ZNF276: variants seen among roughly 807,000 people sequenced by gnomAD.
The protein encoded by ZNF276 is centromere protein Z.
ZNF276 carries 59 observed loss-of-function variants against 63.9 expected under a neutral mutation model. That is an observed-to-expected ratio of 0.92 (90% CI 0.75 to 1.15). The LOEUF is 1.15. Ranked by LOEUF, ZNF276 falls within the 50% of genes most tolerant of loss-of-function variation. The pLI is 0.00. For synonymous variants in ZNF276, 496 were observed against 348.4 expected (o/e 1.42, Z -4.72); for missense variants, 1,084 against 843.8 (o/e 1.28, Z -3.53).
chr16:89,721,410 C>T (rs1332175056), upstream of ZNF276: 3 of 408,146 alleles, frequency 7.4e-6, no homozygotes, highest in Non-Finnish European at 1.3e-5. Flanking sequence ...CGCCCTCGGG[C>T]CCGAGAGGGG....
At chr16:89,733,862 G>T (rs2061760160) in intron 8 of ZNF276, 59 bp from the exon 9 acceptor site, 1 of 1,535,372 alleles carries the variant, frequency 6.5e-7, no homozygotes, top group Non-Finnish European at 9.0e-7. Context: ...CCTACTGAGG[G>T]CTCGTGCCAT....
In ZNF276 at chr16:89,740,616, A is replaced by T; in HGVS notation, c.*2370A>T. 2 of 605,572 alleles carry T rather than the reference A, an allele frequency of 3.3e-6. No homozygotes were observed. Among genetic ancestry groups the T allele is most frequent in the Non-Finnish European group, 5.9e-6 (2 of 340,038 alleles). 37.5% of individuals were successfully genotyped at this position (605,572 alleles called of 1,614,324 possible). ...ACACCACTGCACTCCAGCCTGGGTG[A>T]CAGAGTGAGACCCCCATCTCAAAAA... is the stretch of plus-strand genomic sequence containing the variant. On this transcript the variant is annotated 3_prime_UTR_variant, in exon 11 of 11. Coordinates refer to ENST00000443381, the MANE Select transcript of ZNF276 (RefSeq NM_001113525.2).
Position 89,722,705 on chromosome 16 carries a change from A to G in ZNF276, c.380A>G (p.Gln127Arg). ...CGCCTGCTTGGTGTGGCTGTCCGCC[A>G]GGACCCCACCTTGTCTCCGTTTGTC... ...FQRLLGVAVRQDPTLSPFVCK... is the reference protein window; with the variant it reads ...FQRLLGVAVRRDPTLSPFVCK... The change falls in exon 2 of 11, where the codon CAG becomes CGG. Residue 127 changes from glutamine to arginine, a missense_variant. By Grantham distance (43) the Gln-to-Arg change is conservative. Coordinates refer to ENST00000443381, the MANE Select transcript of ZNF276 (RefSeq NM_001113525.2). 6.2e-7 allele frequency: 1 copy of G among 1,612,414 alleles called. No homozygotes were observed. Among genetic ancestry groups the G allele is most frequent in the Non-Finnish European group, 8.5e-7 (1 of 1,180,026 alleles).
intron 4 of ZNF276, among the ~76,000 whole-genome samples, chr16:89,725,998 A>G (rs1304581996): frequency 6.6e-6 from 1 of 151,854 alleles, no homozygotes; most frequent in Non-Finnish European, 1.5e-5. Context: ...CTCTGTCGCC[A>G]CCAGGCCTGG....
chr16:89,725,307 G>C (rs900588159), intron 4 of ZNF276, among the ~76,000 whole-genome samples: 5 of 146,120 alleles, frequency 3.4e-5, no homozygotes, highest in African/African-American at 1.0e-4. Context: ...TCAGCCTCCC[G>C]AGTAGCTGGG....
chr16:89,738,597 C>A lies in ZNF276; in HGVS notation c.*351C>A, dbSNP rs751400000. 6.2e-7 allele frequency: 1 copy of A among 1,612,530 alleles called. No homozygotes were observed. The highest frequency in any genetic ancestry group is 1.7e-5 in the Admixed American group (1 of 59,996). ...GCTGGGCTGGTGTGCAGTGGCAGGT[C>A]CCGTCAGAAGAGATGAGGCTCCTGG... On this transcript the variant is annotated 3_prime_UTR_variant, in exon 11 of 11. Transcript: ENST00000443381.
At chr16:89,721,528 C>T (rs984820032), upstream of ZNF276, 7 of 1,100,624 alleles carry the variant, frequency 6.4e-6, no homozygotes, top group Admixed American at 1.0e-4. Flanking sequence ...CTCGCTCCGC[C>T]CCTCCCCCGC....
At position 89,740,810 on chromosome 16, in the gene ZNF276, G is replaced by T. The variant is rs1382340096; in HGVS notation, c.*2564G>T. ...CTGGTAAGGTCTGACTTACATTTGA[G>T]GTCAGATGTGACGACAGCAGGCCCA... is the stretch of plus-strand genomic sequence containing the variant. On this transcript the variant is annotated 3_prime_UTR_variant, in exon 11 of 11. Transcript: ENST00000443381. 1.9e-6 allele frequency: 3 copies of T among 1,613,300 alleles called. No homozygotes were observed. Among genetic ancestry groups the T allele is most frequent in the Non-Finnish European group, 2.5e-6 (3 of 1,179,548 alleles).
intron 4 of ZNF276, among the ~76,000 whole-genome samples, chr16:89,726,869 C>G (rs1040472781): frequency 6.6e-6 from 1 of 152,148 alleles, no homozygotes; most frequent in Non-Finnish European, 1.5e-5. Context: ...TGGTCTCGAT[C>G]TCCTGACCTC....
At chr16:89,721,407 G>C (rs1180893126), upstream of ZNF276, 2 of 397,734 alleles carry the variant, frequency 5.0e-6, no homozygotes, top group Non-Finnish European at 4.4e-6. Context: ...GGCCGCCCTC[G>C]GGCCCGAGAG....
Position 89,740,031 on chromosome 16 carries a change from C to A in ZNF276, c.*1785C>A. 1 of 1,614,182 alleles carries A rather than the reference C, an allele frequency of 6.2e-7. No homozygotes were observed. Among genetic ancestry groups the A allele is most frequent in the Non-Finnish European group, 8.5e-7 (1 of 1,180,036 alleles). ...ACTGAAAGAGTGCCAGCCAGGATAT[C>A]TTCCTCTTCTCTAAACACTCGAGGA... is the stretch of plus-strand genomic sequence containing the variant. On this transcript the variant is annotated 3_prime_UTR_variant, in exon 11 of 11. Coordinates refer to ENST00000443381, the MANE Select transcript of ZNF276 (RefSeq NM_001113525.2).
chr16:89,724,703 A>G (rs778256956), intron 4 of ZNF276, among the ~76,000 whole-genome samples: 5 of 152,176 alleles, frequency 3.3e-5, no homozygotes, highest in Non-Finnish European at 5.9e-5. Flanking sequence ...CAGATGAGAC[A>G]GTGCGGCTCG....
chr16:89,725,051 T>G (rs1364334365), intron 4 of ZNF276, among the ~76,000 whole-genome samples: 1 of 152,232 alleles, frequency 6.6e-6, no homozygotes, highest in Non-Finnish European at 1.5e-5. Context: ...GTAGCTGGGA[T>G]GACAGGCACA....
At chr16:89,720,852 C>T (rs2061246264), upstream of ZNF276, 1 of 1,419,334 alleles carries the variant, frequency 7.0e-7, no homozygotes. Context: ...TCCCCGGCCG[C>T]AGCGGCCATG....
upstream of ZNF276, chr16:89,721,304 T>C: frequency 3.9e-6 from 1 of 255,586 alleles, no homozygotes; most frequent in Non-Finnish European, 7.4e-6. Flanking sequence ...CCGCGTCGCC[T>C]CTCCCTGGAG....
rs1171881754 is a variant in ZNF276 at position 89,734,046 on chromosome 16, T to TATCA, written c.1474+11_1474+12insAATC. 2 of 1,612,596 alleles carry TATCA rather than the reference T, an allele frequency of 1.2e-6. No individual in the cohort carries two copies. The highest frequency in any genetic ancestry group is 1.3e-5 in the African/African-American group (1 of 74,928). On this transcript the variant is annotated intron_variant, in intron 9 of 10. Coordinates refer to ENST00000443381, the MANE Select transcript of ZNF276 (RefSeq NM_001113525.2). ...TGAAGCTCATCCACACAGGTACGCC[T>TATCA]ATCGCCAGTGTCGCCCACGCGGGTG...
chr16:89,728,594 G>A (rs951283741), intron 5 of ZNF276, among the ~76,000 whole-genome samples: 1 of 151,988 alleles, frequency 6.6e-6, no homozygotes, highest in Non-Finnish European at 1.5e-5. Context: ...AGCAGAGACG[G>A]GGTTTCACTT....
At chr16:89,735,447 T>C (rs1409795176) in intron 9 of ZNF276, among the ~76,000 whole-genome samples, 1 of 152,200 alleles carries the variant, frequency 6.6e-6, no homozygotes, top group Admixed American at 6.5e-5. Context: ...TGCTGGGTCA[T>C]CTCCCGACAT....
At position 89,733,412 on chromosome 16, in the gene ZNF276, G is replaced by C; in HGVS notation, c.1280G>C (p.Arg427Thr). Residue 427 changes from arginine (R) to threonine (T), a missense_variant and splice_region_variant, in exon 7 of 11, where the codon AGG becomes ACG. Physicochemically the swap from Arg to Thr is moderately conservative, Grantham distance 71. Coordinates refer to ENST00000443381, the MANE Select transcript of ZNF276 (RefSeq NM_001113525.2). ...TGGAAGAAGAAGCTTCGTTGTGAGA[G>C]GTGATGCCTGCAACGCGAGGCTCGC... ...PGWKKKLRCE[R>T]EELPTIYKCP... 1 of 1,614,186 alleles carries C rather than the reference G, an allele frequency of 6.2e-7. No homozygotes were observed. Among genetic ancestry groups the C allele is most frequent in the Non-Finnish European group, 8.5e-7 (1 of 1,180,046 alleles).
Sources: gnomAD v4.1 joint callset for allele counts (sites outside exome capture counted in the v4.1 genomes callset) on GRCh38, gnomAD v4.1.1 for gene constraint, MANE v1.5 for transcripts, NCBI Gene and HGNC (gene_info 2026-07-23, HGNC 2026-07-21) for gene names.